Variants in PRKCA observed in about 807,000 individuals in gnomAD.
PRKCA encodes the protein protein kinase C alpha type.
A neutral mutation model predicts 87.0 loss-of-function variants in PRKCA; 27 were observed. The observed-to-expected ratio is 0.31, with a 90% CI of 0.23 to 0.43. The LOEUF (loss-of-function observed/expected upper bound fraction) is 0.43, where lower values mean the gene tolerates loss of function less well. Ranked by LOEUF, PRKCA falls within the 20% of genes least tolerant of loss-of-function variation. The probability of loss-of-function intolerance (pLI) is 1.00; values close to 1 mark genes in which losing one functional copy is unlikely to be tolerated. For synonymous variants in PRKCA, 329 were observed against 311.1 expected, an observed-to-expected ratio of 1.06 and a Z score of -0.61; for missense variants, 518 against 852.3, an observed-to-expected ratio of 0.61 and a Z score of 4.88.
chr17:66,377,241 GCT>G (rs1286567366), intron 2 of PRKCA, among the ~76,000 whole-genome samples: 11 of 151,788 alleles, frequency 7.2e-5, no homozygotes, highest in Admixed American at 7.2e-4. Flanking sequence ...GCCAGGCTGG[GCT>G]CGAACTCTTG....
chr17:66,674,503 G>A (rs1337095190), intron 5 of PRKCA, among the ~76,000 whole-genome samples: 1 of 152,200 alleles, frequency 6.6e-6, no homozygotes, highest in Non-Finnish European at 1.5e-5. Flanking sequence ...TAGGTTGCAT[G>A]CAGTTAAATA....
At chr17:66,370,549 CTTTTTTTT>C (rs555797425) in intron 2 of PRKCA, among the ~76,000 whole-genome samples, 1,470 of 113,666 alleles carry the variant, frequency 0.013, 35 homozygotes, top group African/African-American at 0.049. Context: ...CTTTTCTTTT[CTTTTTTTT>C]TTTTTTTTTT....
At chr17:66,325,133 C>G (rs148648945) in intron 2 of PRKCA, among the ~76,000 whole-genome samples, 1 of 152,348 alleles carries the variant, frequency 6.6e-6, no homozygotes, top group East Asian at 1.9e-4. Flanking sequence ...AAAATGTTAT[C>G]CATTGAAATA....
At chr17:66,323,525 T>C (rs1471811625) in intron 2 of PRKCA, among the ~76,000 whole-genome samples, 1 of 152,210 alleles carries the variant, frequency 6.6e-6, no homozygotes, top group African/African-American at 2.4e-5. Context: ...AAAATCAGAT[T>C]GTCAGAGGTT....
At chr17:66,515,445 C>T (rs1403983430) in intron 3 of PRKCA, among the ~76,000 whole-genome samples, 1 of 152,116 alleles carries the variant, frequency 6.6e-6, no homozygotes, top group Non-Finnish European at 1.5e-5. Flanking sequence ...TGTCACATGA[C>T]GTCATGACAG....
At chr17:66,706,310 AC>A (rs200885658) in intron 8 of PRKCA, among the ~76,000 whole-genome samples, 3,356 of 152,076 alleles carry the variant, frequency 0.022, 123 homozygotes, top group African/African-American at 0.077. Context: ...ACACCCAACC[AC>A]CTGCTTTTGT....
At chr17:66,712,001 G>A (rs1238088392) in intron 8 of PRKCA, among the ~76,000 whole-genome samples, 1 of 152,104 alleles carries the variant, frequency 6.6e-6, no homozygotes, top group African/African-American at 2.4e-5. Flanking sequence ...GGCTTCTGTT[G>A]TTACTGCCCC....
At chr17:66,337,085 C>G (rs1906744034) in intron 2 of PRKCA, among the ~76,000 whole-genome samples, 1 of 152,090 alleles carries the variant, frequency 6.6e-6, no homozygotes, top group African/African-American at 2.4e-5. Flanking sequence ...GCCACCGTGC[C>G]CAGCCAGACG....
At chr17:66,732,500 C>T (rs1042015571) in intron 8 of PRKCA, among the ~76,000 whole-genome samples, 188 bp from the exon 9 acceptor site, 1 of 152,208 alleles carries the variant, frequency 6.6e-6, no homozygotes. Flanking sequence ...TGCTACCTTG[C>T]TGACTTTCCC....
intron 2 of PRKCA, among the ~76,000 whole-genome samples, chr17:66,404,840 C>T (rs1911265776): frequency 6.9e-6 from 1 of 145,224 alleles, no homozygotes; most frequent in Non-Finnish European, 1.5e-5. Flanking sequence ...ACCTCTGTCT[C>T]CTGGGTTCAA....
At chr17:66,512,617 T>C (rs1362539722) in intron 3 of PRKCA, among the ~76,000 whole-genome samples, 1 of 152,136 alleles carries the variant, frequency 6.6e-6, no homozygotes, top group Non-Finnish European at 1.5e-5. Context: ...GGTTCCTCTT[T>C]GTAGAACTAA....
At chr17:66,620,193 G>A (rs1970636269) in intron 3 of PRKCA, among the ~76,000 whole-genome samples, 1 of 152,200 alleles carries the variant, frequency 6.6e-6, no homozygotes, top group Admixed American at 6.5e-5. Flanking sequence ...GTGAAAACTT[G>A]ATGAAATAGA....
intron 8 of PRKCA, among the ~76,000 whole-genome samples, chr17:66,728,339 G>C (rs540121086): frequency 6.6e-6 from 1 of 152,092 alleles, no homozygotes; most frequent in Non-Finnish European, 1.5e-5. Context: ...CCCACACACC[G>C]GTCTGTCTCC....
intron 2 of PRKCA, among the ~76,000 whole-genome samples, chr17:66,397,275 CTTTTTTT>C (rs57003663): frequency 4.3e-5 from 4 of 93,718 alleles, no homozygotes; most frequent in Non-Finnish European, 5.9e-5. Context: ...CCAGTGTAGA[CTTTTTTT>C]TTTTTTTTTT....
intron 3 of PRKCA, among the ~76,000 whole-genome samples, chr17:66,631,293 AT>A (rs890408441): frequency 1.3e-5 from 2 of 152,064 alleles, no homozygotes; most frequent in South Asian, 2.1e-4. Flanking sequence ...ACGGTAAATA[AT>A]TTTTTTTAGG....
intron 3 of PRKCA, among the ~76,000 whole-genome samples, chr17:66,635,017 G>A (rs962998411): frequency 6.6e-6 from 1 of 152,320 alleles, no homozygotes; most frequent in Non-Finnish European, 1.5e-5. Context: ...GAGAGAAATT[G>A]TAACTGGTAT....
chr17:66,716,477 C>T (rs946516086), intron 8 of PRKCA, among the ~76,000 whole-genome samples: 2 of 152,042 alleles, frequency 1.3e-5, no homozygotes, highest in African/African-American at 2.4e-5. Context: ...AACATTGTTG[C>T]AGATGGAAAA....
intron 5 of PRKCA, among the ~76,000 whole-genome samples, chr17:66,664,601 G>T (rs1344845301): frequency 6.8e-6 from 1 of 147,404 alleles, no homozygotes; most frequent in Non-Finnish European, 1.5e-5. Flanking sequence ...GATGAAGAGA[G>T]ATTCATCTCA....
intron 5 of PRKCA, among the ~76,000 whole-genome samples, chr17:66,670,309 T>C (rs1219971615): frequency 6.6e-6 from 1 of 152,196 alleles, no homozygotes; most frequent in Non-Finnish European, 1.5e-5. Flanking sequence ...GGAAAACAGC[T>C]ATCAAAACTG....
Sources: allele counts gnomAD v4.1 joint callset (sites outside exome capture counted in the v4.1 genomes callset), GRCh38; gene constraint gnomAD v4.1.1; transcripts MANE v1.5; gene names NCBI Gene and HGNC (gene_info 2026-07-23, HGNC 2026-07-21).